Variants in HLA-DMB observed in about 807,000 individuals in gnomAD.
The protein encoded by HLA-DMB is HLA class II histocompatibility antigen, DM beta chain.
HLA-DMB carries 18 observed loss-of-function variants against 29.3 expected under a neutral mutation model. That is an observed-to-expected ratio of 0.62 (90% CI 0.43 to 0.91). HLA-DMB has a LOEUF of 0.91. HLA-DMB is among the 40% of genes least tolerant of loss of function. HLA-DMB has a pLI of 0.00. For missense variants in HLA-DMB, 258 were observed against 320.9 expected (o/e 0.80, Z 1.50); for synonymous variants, 143 against 128.7 (o/e 1.11, Z -0.75).
chr6:32,939,909 T>C (rs1776249673), intron 1 of HLA-DMB, among the ~76,000 whole-genome samples: 6 of 152,118 alleles, frequency 3.9e-5, no homozygotes, highest in Admixed American at 3.9e-4. Flanking sequence ...CTACTTGTGA[T>C]TGGTGTCTGA....
chr6:32,935,627 G>T lies in HLA-DMB; in HGVS notation c.648C>A (p.Thr216=), dbSNP rs1400833446. 6.2e-7 allele frequency: 1 copy of T among 1,612,346 alleles called. No homozygotes were observed. The highest frequency in any genetic ancestry group is 8.5e-7 in the Non-Finnish European group (1 of 1,179,672). ...DWTPGLSPMQ[T]LKVSVSAVTL... is the part of the protein sequence containing the mutation. Reference sequence around the variant, plus strand: ...TCACTGCAGACACAGAAACCTTCAGGGTCTGCATGGGGGACAGCCCAGGTG... The same window carrying T: ...TCACTGCAGACACAGAAACCTTCAGTGTCTGCATGGGGGACAGCCCAGGTG... The change falls in exon 4 of 6, where the codon ACC becomes ACA. Residue 216 remains threonine (T), a synonymous_variant. Coordinates refer to ENST00000418107, the MANE Select transcript of HLA-DMB (RefSeq NM_002118.5).
Position 32,937,020 on chromosome 6 carries a change from C to A in HLA-DMB, c.622+152G>T. 1.8e-6 allele frequency: 1 copy of A among 545,050 alleles called. No homozygotes were observed. Among genetic ancestry groups the A allele is most frequent in the Non-Finnish European group, 3.1e-6 (1 of 319,544 alleles). The allele number at this position is 545,050 out of a possible 1,614,324, so 33.8% of individuals were successfully genotyped here. On this transcript the variant is annotated intron_variant, in intron 3 of 5. Coordinates refer to ENST00000418107, the MANE Select transcript of HLA-DMB (RefSeq NM_002118.5). This position sits in a 1 kb window ranked among gnomAD's most constrained non-coding sequence, Gnocchi z 4.1. Reference sequence around the variant, plus strand: ...ACCTAAATATTTCCATTTCTTTATCCCATTTCCCCATTCTGGTCCTAAGCC... The same window carrying A: ...ACCTAAATATTTCCATTTCTTTATCACATTTCCCCATTCTGGTCCTAAGCC...
Position 32,934,866 on chromosome 6 carries a change from G to A in HLA-DMB, c.*105C>T. The A allele has an allele frequency of 4.3e-6, 5 of 1,169,042 alleles. No homozygotes were observed. The South Asian group carries it at 5.1e-5, about 12-fold the overall frequency. 72.4% of individuals were successfully genotyped at this position (1,169,042 alleles called of 1,614,324 possible). ...CAAAGAATTGGATGGAGAAACCATA[G>A]GATCCAAGATAATGTCAGGGGGTTG... is the stretch of plus-strand genomic sequence containing the variant. On this transcript the variant is annotated 3_prime_UTR_variant, in exon 6 of 6. Transcript: ENST00000418107.
At chr6:32,935,050 C>G (rs1300879100) in intron 5 of HLA-DMB, 63 bp from the exon 6 acceptor site, 1 of 1,581,870 alleles carries the variant, frequency 6.3e-7, no homozygotes, top group Non-Finnish European at 8.7e-7. Context: ...TCGTTTGTCA[C>G]TGTAACCATC....
In HLA-DMB at chr6:32,937,582, G is replaced by GC. The variant is rs1171518113; in HGVS notation, c.338-127dup. 7 of 785,048 alleles carry GC rather than the reference G, an allele frequency of 8.9e-6. No individual in the cohort carries two copies. In the African/African-American group the frequency reaches 1.2e-4, roughly 14 times the overall value. The allele number at this position is 785,048 out of a possible 1,614,324, so 48.6% of individuals were successfully genotyped here. On this transcript the variant is annotated intron_variant, in intron 2 of 5. Coordinates refer to ENST00000418107, the MANE Select transcript of HLA-DMB (RefSeq NM_002118.5). This position sits in a 1 kb window ranked among gnomAD's most constrained non-coding sequence, Gnocchi z 4.1. ...CCCACTTTCCACCCCAGCCCCCTCT[G>GC]CCATGCTGCCCCTTGAAGGGGAACC...
At chr6:32,939,048 T>A in intron 1 of HLA-DMB, 83 bp from the exon 2 acceptor site, 1 of 834,812 alleles carries the variant, frequency 1.2e-6, no homozygotes, top group East Asian at 3.4e-5. Context: ...ATAATAAATA[T>A]ACACAAATAA....
At position 32,938,938 on chromosome 6, in the gene HLA-DMB, G is replaced by A. The variant is rs112179266; in HGVS notation, c.83C>T (p.Thr28Ile). 1 of 1,589,332 alleles carries A rather than the reference G, an allele frequency of 6.3e-7. No individual in the cohort carries two copies. Among genetic ancestry groups the A allele is most frequent in the South Asian group, 1.1e-5 (1 of 88,362 alleles). Residue 28 changes from threonine (T) to isoleucine (I), a missense_variant, in exon 2 of 6, where the codon ACC (threonine) becomes ATC (isoleucine). Thr to Ile is a moderately conservative substitution (Grantham distance 89). Transcript: ENST00000418107. ...AGGFVAHVES[T>I]CLLDDAGTPK... ...AGTCCCAGCATCATCCAACAGACAG[G>A]TGCTTTCCACATGGGCCACGAAGCC...
Position 32,937,494 on chromosome 6 carries a change from G to C in HLA-DMB, c.338-38C>G, listed in dbSNP as rs1434309481. 6.3e-7 allele frequency: 1 copy of C among 1,575,694 alleles called. No individual in the cohort carries two copies. The highest frequency in any genetic ancestry group is 1.1e-5 in the South Asian group (1 of 87,064). On this transcript the variant is annotated intron_variant, in intron 2 of 5. Transcript: ENST00000418107. This position sits in a 1 kb window ranked among gnomAD's most constrained non-coding sequence, Gnocchi z 4.1. ...AAAAAACATGTTTAGGAAGGAGGGT[G>C]ACATTCTGGCTGCTTCCTCAACCTG...
At position 32,934,766 on chromosome 6, in the gene HLA-DMB, A is replaced by G; in HGVS notation, c.*205T>C. ...TCCCAGAAATATAGCCTTGGACAAT[A>G]ATTTGGTTACAGCATAGTCCCAGGA... On this transcript the variant is annotated 3_prime_UTR_variant, in exon 6 of 6. Coordinates refer to ENST00000418107, the MANE Select transcript of HLA-DMB (RefSeq NM_002118.5). 1 of 608,414 alleles carries G rather than the reference A, an allele frequency of 1.6e-6. No individual in the cohort carries two copies. The highest frequency in any genetic ancestry group is 2.9e-6 in the Non-Finnish European group (1 of 343,340). The allele number at this position is 608,414 out of a possible 1,614,324, so 37.7% of individuals were successfully genotyped here.
In HLA-DMB at chr6:32,934,885, G is replaced by T. The variant is rs1456085786; in HGVS notation, c.*86C>A. 6 of 1,257,822 alleles carry T rather than the reference G, an allele frequency of 4.8e-6. No individual in the cohort carries two copies. The highest frequency in any genetic ancestry group is 7.0e-6 in the Non-Finnish European group (6 of 858,492). 77.9% of individuals were successfully genotyped at this position (1,257,822 alleles called of 1,614,324 possible). Reference sequence around the variant, plus strand: ...ACCATAGGATCCAAGATAATGTCAGGGGGTTGAAGATGTTGGAGAGGCATG... The same window carrying T: ...ACCATAGGATCCAAGATAATGTCAGTGGGTTGAAGATGTTGGAGAGGCATG... On this transcript the variant is annotated 3_prime_UTR_variant, in exon 6 of 6. Transcript: ENST00000418107.
In HLA-DMB at chr6:32,938,895, G is replaced by A. The variant is rs1366197234; in HGVS notation, c.126C>T (p.Tyr42=). 1.2e-6 allele frequency: 2 copies of A among 1,611,286 alleles called. No individual in the cohort carries two copies. The highest frequency in any genetic ancestry group is 1.1e-5 in the South Asian group (1 of 90,818). The change falls in exon 2 of 6, where the codon TAC becomes TAT. Residue 42 remains tyrosine, a synonymous_variant. Coordinates refer to ENST00000418107, the MANE Select transcript of HLA-DMB (RefSeq NM_002118.5). ...DDAGTPKDFT[Y]CISFNKDLLT... ...GCAGATCCTTGTTGAAGGAGATGCA[G>A]TATGTGAAATCCTTTGGAGTCCCAG...
At chr6:32,939,001 C>A (rs1776186150) in intron 1 of HLA-DMB, 36 bp from the exon 2 acceptor site, 1 of 1,327,348 alleles carries the variant, frequency 7.5e-7, no homozygotes, top group Non-Finnish European at 9.8e-7. Flanking sequence ...AGGTCAATGT[C>A]TTCTACTGGC....
At position 32,938,718 on chromosome 6, in the gene HLA-DMB, G is replaced by C. The variant is rs770166673; in HGVS notation, c.303C>G (p.Thr101=). The change falls in exon 2 of 6, where the codon ACC becomes ACG. Residue 101 remains threonine (T), a synonymous_variant. Coordinates refer to ENST00000418107, the MANE Select transcript of HLA-DMB (RefSeq NM_002118.5). ...TGGTCAGTGATCCCCAGAAGGGCTG[G>C]GTGTGTGTGGCACAATTCTGAAGCC... ...RNGLQNCATH[T]QPFWGSLTNR... is the part of the protein sequence containing the mutation. 9 of 1,563,678 alleles carry C rather than the reference G, an allele frequency of 5.8e-6. No homozygotes were observed. Among genetic ancestry groups the C allele is most frequent in the Non-Finnish European group, 6.1e-6 (7 of 1,153,454 alleles).
At chr6:32,940,383 A>T (rs1414538304) in intron 1 of HLA-DMB, among the ~76,000 whole-genome samples, 1 of 152,108 alleles carries the variant, frequency 6.6e-6, no homozygotes, top group Non-Finnish European at 1.5e-5. Context: ...ACCTTCAGTA[A>T]GGCAAATTAT....
intron 4 of HLA-DMB, 40 bp from the exon 5 acceptor site, chr6:32,935,417 A>C (rs745508379): frequency 6.4e-7 from 1 of 1,566,912 alleles, no homozygotes. Flanking sequence ...GTCTTTGTGG[A>C]TGAAAATATC....
chr6:32,937,650 C>A lies in HLA-DMB; in HGVS notation c.338-194G>T, dbSNP rs868761739. On this transcript the variant is annotated intron_variant, in intron 2 of 5. Transcript: ENST00000418107. The surrounding 1 kb of genome is among the most constrained non-coding windows in gnomAD (Gnocchi z 4.1). ...CATTACTCTTTCTTCTCTCCCATTCCTTCATTGCCCCTTTCTTTCTTTCCT... is the reference window on the plus strand; with the variant it reads ...CATTACTCTTTCTTCTCTCCCATTCATTCATTGCCCCTTTCTTTCTTTCCT... 7 of 575,482 alleles carry A rather than the reference C, an allele frequency of 1.2e-5. No homozygotes were observed. Among genetic ancestry groups the A allele is most frequent in the Middle Eastern group, 4.5e-4 (1 of 2,240 alleles). 35.6% of individuals were successfully genotyped at this position (575,482 alleles called of 1,614,324 possible).
intron 5 of HLA-DMB, 143 bp from the exon 6 acceptor site, chr6:32,935,130 C>T (rs1223069749): frequency 2.1e-6 from 2 of 956,152 alleles, no homozygotes; most frequent in African/African-American, 1.6e-5. Flanking sequence ...GCACCTTCAG[C>T]CTCCTCTCCA....
At position 32,938,789 on chromosome 6, in the gene HLA-DMB, G is replaced by A. The variant is rs1210603131; in HGVS notation, c.232C>T (p.Gln78Ter). ...VLNSLANVLS[Q>*]HLNQKDTLMQ... ...AGGGTGTCTTTTTGGTTGAGGTGCT[G>A]TGAGAGGACATTCGCCAAGCTATTC... Residue 78 changes from glutamine to a stop codon, truncating the protein, a stop_gained, in exon 2 of 6, where the codon CAG (glutamine) becomes TAG (stop). Coordinates refer to ENST00000418107, the MANE Select transcript of HLA-DMB (RefSeq NM_002118.5). LOFTEE classifies it high-confidence loss of function. 1.2e-6 allele frequency: 2 copies of A among 1,610,192 alleles called. No individual in the cohort carries two copies. The highest frequency in any genetic ancestry group is 1.7e-6 in the Non-Finnish European group (2 of 1,178,784).
At chr6:32,940,333 T>G (rs1776280174) in intron 1 of HLA-DMB, among the ~76,000 whole-genome samples, 1 of 152,100 alleles carries the variant, frequency 6.6e-6, no homozygotes, top group Admixed American at 6.5e-5. Context: ...CCCCCGAGAT[T>G]ATTTGCATGT....
Sources: allele counts gnomAD v4.1 joint callset (sites outside exome capture counted in the v4.1 genomes callset), GRCh38; gene constraint gnomAD v4.1.1; non-coding constraint Gnocchi (gnomAD v3.1); transcripts MANE v1.5; gene names NCBI Gene and HGNC (gene_info 2026-07-23, HGNC 2026-07-21).